Variants in SMAP1 observed in about 807,000 individuals in gnomAD.
SMAP1 encodes small ArfGAP 1, also known as stromal membrane-associated protein 1.
Under a neutral mutation model 58.5 loss-of-function variants are expected in SMAP1, and 24 were observed. The observed-to-expected ratio is 0.41, with a 90% CI of 0.30 to 0.58. The LOEUF is 0.58. SMAP1 is among the 20% of genes least tolerant of loss of function. SMAP1 has a pLI of 0.29. For synonymous variants in SMAP1, 216 were observed against 196.6 expected, an observed-to-expected ratio of 1.10 and a Z score of -0.82; for missense variants, 563 against 566.3, an observed-to-expected ratio of 0.99 and a Z score of 0.06.
intron 4 of SMAP1, among the ~76,000 whole-genome samples, chr6:70,790,750 C>T (rs35931280): frequency 6.6e-6 from 1 of 152,114 alleles, no homozygotes; most frequent in African/African-American, 2.4e-5. Flanking sequence ...GTTATTTTGA[C>T]ATTACATAAT....
chr6:70,813,731 ATATTT>A (rs970677550), intron 6 of SMAP1, among the ~76,000 whole-genome samples: 1 of 151,974 alleles, frequency 6.6e-6, no homozygotes, highest in African/African-American at 2.4e-5. Flanking sequence ...TTTTAAAAAA[ATATTT>A]TAAATGCACA....
chr6:70,683,360 C>CG (rs1203686805), intron 1 of SMAP1, among the ~76,000 whole-genome samples: 1 of 151,376 alleles, frequency 6.6e-6, no homozygotes, highest in Non-Finnish European at 1.5e-5. Context: ...TTTTAGTAGA[C>CG]GGGGTTTCAT....
chr6:70,845,674 A>G (rs1446611443), intron 7 of SMAP1, among the ~76,000 whole-genome samples: 2 of 152,216 alleles, frequency 1.3e-5, no homozygotes, highest in Non-Finnish European at 2.9e-5. Context: ...GGATCTTATG[A>G]TTTAAAACCC....
At chr6:70,837,433 GTT>G (rs1770637267) in intron 7 of SMAP1, among the ~76,000 whole-genome samples, 1 of 151,836 alleles carries the variant, frequency 6.6e-6, no homozygotes, top group South Asian at 2.1e-4. Flanking sequence ...AAATACGTTG[GTT>G]TAAAATAAAA....
At chr6:70,670,808 G>A (rs933821160) in intron 1 of SMAP1, among the ~76,000 whole-genome samples, 2 of 152,160 alleles carry the variant, frequency 1.3e-5, no homozygotes, top group Non-Finnish European at 2.9e-5. Flanking sequence ...GTATTATCTT[G>A]CCTTATCATA....
intron 2 of SMAP1, among the ~76,000 whole-genome samples, chr6:70,744,092 A>G (rs1243363515): frequency 2.0e-5 from 3 of 152,104 alleles, no homozygotes; most frequent in African/African-American, 7.2e-5. Flanking sequence ...TGTTACATGT[A>G]GGTGATTATC....
chr6:70,696,705 A>T (rs1048904017), intron 1 of SMAP1, among the ~76,000 whole-genome samples: 2 of 152,176 alleles, frequency 1.3e-5, no homozygotes, highest in Non-Finnish European at 2.9e-5. Flanking sequence ...GAGGAGAAGA[A>T]TGTGTATTCT....
At position 70,860,793 on chromosome 6, in the gene SMAP1, T is replaced by G. The variant is rs1311571241; in HGVS notation, c.*459T>G. 8 of 398,574 alleles carry G rather than the reference T, an allele frequency of 2.0e-5. No homozygotes were observed. Among genetic ancestry groups the G allele is most frequent in the Non-Finnish European group, 3.5e-5 (8 of 225,840 alleles). The allele number at this position is 398,574 out of a possible 1,614,324, so 24.7% of individuals were successfully genotyped here. A position where few individuals can be genotyped will look rare whatever the true frequency, so the allele number is the denominator to read the frequency against. Reference sequence around the variant, plus strand: ...GTAAATGTCTCACTGAGCACTGTTTTCTAGTGTATCAAAATGCTCTTATTT... The same window carrying G: ...GTAAATGTCTCACTGAGCACTGTTTGCTAGTGTATCAAAATGCTCTTATTT... On this transcript the variant is annotated 3_prime_UTR_variant, in exon 11 of 11. Coordinates refer to ENST00000370455, the MANE Select transcript of SMAP1 (RefSeq NM_001044305.3).
At chr6:70,731,481 A>G (rs535487674) in intron 1 of SMAP1, among the ~76,000 whole-genome samples, 1 of 152,326 alleles carries the variant, frequency 6.6e-6, no homozygotes, top group African/African-American at 2.4e-5. Context: ...TATTCTTGCC[A>G]TACAGCTTAG....
chr6:70,741,907 T>C (rs1412285304), intron 2 of SMAP1, among the ~76,000 whole-genome samples: 2 of 152,194 alleles, frequency 1.3e-5, no homozygotes, highest in Non-Finnish European at 2.9e-5. Context: ...CCCTTGGGGC[T>C]TACACCCTCT....
intron 5 of SMAP1, among the ~76,000 whole-genome samples, chr6:70,798,404 A>G (rs1053144289): frequency 2.0e-5 from 3 of 151,972 alleles, no homozygotes; most frequent in Non-Finnish European, 4.4e-5. Flanking sequence ...ACCCTACTAT[A>G]TCAAAGAAGT....
At chr6:70,681,434 A>T (rs1349566680) in intron 1 of SMAP1, among the ~76,000 whole-genome samples, 1 of 152,208 alleles carries the variant, frequency 6.6e-6, no homozygotes, top group South Asian at 2.1e-4. Flanking sequence ...CTCAAAAACA[A>T]AAACAAAAAA....
At chr6:70,673,434 A>G (rs1292736366) in intron 1 of SMAP1, among the ~76,000 whole-genome samples, 1 of 152,198 alleles carries the variant, frequency 6.6e-6, no homozygotes, top group Non-Finnish European at 1.5e-5. Context: ...CCTTGCCTTC[A>G]AGGGAGTCTT....
chr6:70,695,667 G>A (rs1767372243), intron 1 of SMAP1, among the ~76,000 whole-genome samples: 1 of 152,278 alleles, frequency 6.6e-6, no homozygotes, highest in South Asian at 2.1e-4. Flanking sequence ...TTTTTAATAT[G>A]TTGTTTAATT....
At chr6:70,696,937 A>G (rs2149824022) in intron 1 of SMAP1, among the ~76,000 whole-genome samples, 1 of 152,298 alleles carries the variant, frequency 6.6e-6, no homozygotes, top group Non-Finnish European at 1.5e-5. Flanking sequence ...GTGCATATAT[A>G]TTTACAATTG....
chr6:70,776,690 T>C (rs1767560417), intron 4 of SMAP1, among the ~76,000 whole-genome samples: 1 of 152,216 alleles, frequency 6.6e-6, no homozygotes, highest in African/African-American at 2.4e-5. Flanking sequence ...TTCCCTCTAC[T>C]TCCATGAGTT....
intron 3 of SMAP1, among the ~76,000 whole-genome samples, chr6:70,772,241 C>T (rs1444857309): frequency 2.0e-5 from 3 of 152,096 alleles, no homozygotes; most frequent in Non-Finnish European, 4.4e-5. Context: ...TATTCTGGGA[C>T]GTGTTGTGTG....
chr6:70,832,431 A>C (rs1465780666), intron 6 of SMAP1, among the ~76,000 whole-genome samples: 3 of 152,202 alleles, frequency 2.0e-5, no homozygotes. Flanking sequence ...TTTTTAAAAA[A>C]CATTGAATCT....
intron 2 of SMAP1, among the ~76,000 whole-genome samples, chr6:70,744,173 C>CTTTTTTTTTTTTTT (rs11376216): frequency 2.1e-5 from 3 of 145,040 alleles, no homozygotes; most frequent in Non-Finnish European, 3.0e-5. Context: ...ACTCCTAATT[C>CTTTTTTTTTTTTTT]TTTTTTTTTT....
Sources: allele counts gnomAD v4.1 joint callset (sites outside exome capture counted in the v4.1 genomes callset), GRCh38; gene constraint gnomAD v4.1.1; transcripts MANE v1.5; gene names NCBI Gene and HGNC (gene_info 2026-07-23, HGNC 2026-07-21).